PCDHA1: variants seen among roughly 807,000 people sequenced by gnomAD.
PCDHA1 encodes protocadherin alpha-1.
A neutral mutation model predicts 61.3 loss-of-function variants in PCDHA1; 42 were observed. The ratio of observed to expected loss-of-function variants is 0.69; its 90% CI spans 0.54 to 0.89. PCDHA1 has a LOEUF of 0.89. Among genes scored for constraint, PCDHA1 ranks in the 40% least tolerant of loss-of-function variants. The probability of loss-of-function intolerance (pLI) is 0.00; values close to 1 mark genes in which losing one functional copy is unlikely to be tolerated. For synonymous variants in PCDHA1, 610 were observed against 553.8 expected, an observed-to-expected ratio of 1.10 and a Z score of -1.43; for missense variants, 1,256 against 1,235.3, an observed-to-expected ratio of 1.02 and a Z score of -0.25.
chr5:140,886,004 A>G lies in PCDHA1; in HGVS notation c.2395-92945A>G, dbSNP rs544401095. On this transcript the variant is annotated intron_variant, in intron 1 of 3. Transcript: ENST00000504120. Reference sequence around the variant, plus strand: ...TCGCATGTGGTTGAAAGAAATAGTAAAGGGAGATGCTATGTATTCTTCACT... The same window carrying G: ...TCGCATGTGGTTGAAAGAAATAGTAGAGGGAGATGCTATGTATTCTTCACT... Among the ~76,000 whole-genome samples, 7 of 152,268 alleles carry G rather than the reference A, an allele frequency of 4.6e-5. No homozygotes were observed. In the East Asian group the frequency reaches 1.3e-3, roughly 29 times the overall value.
rs143363926 is a variant in PCDHA1 at position 140,919,499 on chromosome 5, C to T, written c.2395-59450C>T. Among the ~76,000 whole-genome samples the T allele has an allele frequency of 1.8e-4, 27 of 152,124 alleles. No homozygotes were observed. In the East Asian group the frequency reaches 5.2e-3, roughly 29 times the overall value. ...TGGATTTATGTTTGTTATTTTACTCCTTTTTCTATATGTTTTAATTCTCTT... is the reference window on the plus strand; with the variant it reads ...TGGATTTATGTTTGTTATTTTACTCTTTTTTCTATATGTTTTAATTCTCTT... On this transcript the variant is annotated intron_variant, in intron 1 of 3. Coordinates refer to ENST00000504120, the MANE Select transcript of PCDHA1 (RefSeq NM_018900.4).
At chr5:140,836,055 G>T in intron 1 of PCDHA1, 1 of 1,613,604 alleles carries the variant, frequency 6.2e-7, no homozygotes, top group Non-Finnish European at 8.5e-7. Context: ...CGTGCTGGAC[G>T]AGAACGACAA....
chr5:140,923,209 G>C (rs1454479273), intron 1 of PCDHA1, among the ~76,000 whole-genome samples: 3 of 150,998 alleles, frequency 2.0e-5, no homozygotes, highest in Non-Finnish European at 4.4e-5. Flanking sequence ...GGAGGCTAAG[G>C]TGAAAGGATC....
At chr5:140,869,558 T>A in intron 1 of PCDHA1, 1 of 1,614,200 alleles carries the variant, frequency 6.2e-7, no homozygotes, top group Non-Finnish European at 8.5e-7. Flanking sequence ...GACTCGCGTT[T>A]TCCACTAGAG....
At chr5:140,947,627 A>C (rs1375142600) in intron 1 of PCDHA1, among the ~76,000 whole-genome samples, 1 of 151,696 alleles carries the variant, frequency 6.6e-6, no homozygotes, top group Non-Finnish European at 1.5e-5. Context: ...ATATTGAGTC[A>C]TCAGATCGTA....
chr5:140,818,202 T>C (rs2150100495), intron 1 of PCDHA1, among the ~76,000 whole-genome samples: 4 of 152,230 alleles, frequency 2.6e-5, no homozygotes, highest in Non-Finnish European at 2.9e-5. Context: ...AGTACATGTA[T>C]GTTAAATCTT....
At chr5:140,870,938 C>T in intron 1 of PCDHA1, 5 of 1,613,724 alleles carry the variant, frequency 3.1e-6, no homozygotes, top group East Asian at 2.2e-5. Flanking sequence ...GAATTGCAGC[C>T]GGCGGCGGGC....
At chr5:140,793,893 G>C (rs1436553355) in intron 1 of PCDHA1, among the ~76,000 whole-genome samples, 2 of 152,094 alleles carry the variant, frequency 1.3e-5, no homozygotes, top group African/African-American at 4.8e-5. Context: ...CAAAACATTT[G>C]CAAACAATTC....
intron 1 of PCDHA1, chr5:140,863,374 A>C: frequency 5.3e-5 from 60 of 1,135,154 alleles, no homozygotes; most frequent in Non-Finnish European, 7.5e-5. Flanking sequence ...GGCGCAGCTC[A>C]CCGAGAGCTC....
chr5:140,998,690 A>G (rs1310258939), intron 3 of PCDHA1, among the ~76,000 whole-genome samples: 1 of 151,696 alleles, frequency 6.6e-6, no homozygotes, highest in Non-Finnish European at 1.5e-5. Flanking sequence ...TCAGCCTCCC[A>G]AGTAGCTGGG....
At chr5:140,875,878 A>C (rs782804026) in intron 1 of PCDHA1, 2 of 1,614,212 alleles carry the variant, frequency 1.2e-6, no homozygotes, top group East Asian at 4.5e-5. Context: ...GTTCAGAGAA[A>C]GGGAACAAAA....
At chr5:140,910,479 A>G (rs2075041093) in intron 1 of PCDHA1, among the ~76,000 whole-genome samples, 1 of 152,212 alleles carries the variant, frequency 6.6e-6, no homozygotes. Context: ...AAAATCTGGC[A>G]TACAGAGAAG....
chr5:140,831,953 T>G (rs1771773742), intron 1 of PCDHA1, among the ~76,000 whole-genome samples: 3 of 152,194 alleles, frequency 2.0e-5, no homozygotes, highest in Admixed American at 2.0e-4. Context: ...AAAGAAAAAC[T>G]TTATGTCATT....
chr5:140,807,638 C>T (rs1554124171), intron 1 of PCDHA1: 18 of 1,614,074 alleles, frequency 1.1e-5, no homozygotes, highest in Non-Finnish European at 1.4e-5. Flanking sequence ...GCTTGACTCT[C>T]GGTTTCCACT....
chr5:140,831,520 C>CTTT (rs2150195630), intron 1 of PCDHA1, among the ~76,000 whole-genome samples: 4 of 122,404 alleles, frequency 3.3e-5, no homozygotes, highest in Non-Finnish European at 6.6e-5. Context: ...TGCCCCCCAC[C>CTTT]TTTTTTTTTT....
chr5:140,831,107 C>T (rs1479291703), intron 1 of PCDHA1: 8 of 152,120 alleles, frequency 5.3e-5, no homozygotes, highest in Non-Finnish European at 8.8e-5. Context: ...AGTTATCAGC[C>T]TGAATACTTC....
chr5:140,954,442 G>C (rs2095039188), intron 1 of PCDHA1, among the ~76,000 whole-genome samples: 1 of 151,940 alleles, frequency 6.6e-6, no homozygotes, highest in South Asian at 2.1e-4. Flanking sequence ...GTTGTTTCTG[G>C]ACTTGTTAAT....
intron 3 of PCDHA1, among the ~76,000 whole-genome samples, chr5:140,994,342 T>C (rs571225967): frequency 1.3e-5 from 2 of 152,288 alleles, no homozygotes; most frequent in South Asian, 4.1e-4. Flanking sequence ...ACAGTGGATG[T>C]TGTGGGACCT....
At chr5:140,979,399 G>T (rs1352440599) in intron 2 of PCDHA1, among the ~76,000 whole-genome samples, 1 of 151,708 alleles carries the variant, frequency 6.6e-6, no homozygotes. Flanking sequence ...CATACATGTT[G>T]TCTACCTTGT....
Sources: allele counts gnomAD v4.1 joint callset (sites outside exome capture counted in the v4.1 genomes callset), GRCh38; gene constraint gnomAD v4.1.1; transcripts MANE v1.5; gene names NCBI Gene and HGNC (gene_info 2026-07-23, HGNC 2026-07-21).